GPM6B: variants seen among roughly 807,000 people sequenced by gnomAD.
GPM6B encodes the protein neuronal membrane glycoprotein M6-b.
In GPM6B, 4 loss-of-function variants were observed where a neutral mutation model predicts 27.2. That is an observed-to-expected ratio of 0.15 (90% confidence interval 0.07 to 0.34). GPM6B has a LOEUF of 0.34. Among genes scored for constraint, GPM6B ranks in the 10% least tolerant of loss-of-function variants. The probability of loss-of-function intolerance (pLI) is 1.00; values close to 1 mark genes in which losing one functional copy is unlikely to be tolerated. For missense variants in GPM6B, 183 were observed against 261.9 expected, an observed-to-expected ratio of 0.70 and a Z score of 2.08; for synonymous variants, 124 against 103.1, an observed-to-expected ratio of 1.20 and a Z score of -1.23.
At chrX:13,908,712 C>T (rs1184139851) in intron 1 of GPM6B, among the ~76,000 whole-genome samples, 1 of 112,536 alleles carries the variant, frequency 8.9e-6, no homozygotes, top group Non-Finnish European at 1.9e-5. Flanking sequence ...TTAACAGAAA[C>T]TTTGTACTAT....
At chrX:13,847,198 C>T (rs1158978088) in intron 1 of GPM6B, among the ~76,000 whole-genome samples, 1 of 111,836 alleles carries the variant, frequency 8.9e-6, no homozygotes, top group Admixed American at 9.5e-5. Flanking sequence ...TACACACCAA[C>T]TGCTGCCCAA....
intron 1 of GPM6B, among the ~76,000 whole-genome samples, chrX:13,899,032 CA>C (rs1448071993): frequency 9.0e-6 from 1 of 111,709 alleles, no homozygotes; most frequent in African/African-American, 3.3e-5. Flanking sequence ...TCTTGAGGGG[CA>C]AAAACAACTT....
At chrX:13,802,552 T>TTATA (rs10645553) in intron 2 of GPM6B, among the ~76,000 whole-genome samples, 1,594 of 105,989 alleles carry the variant, frequency 0.015, 42 homozygotes, top group African/African-American at 0.049. Flanking sequence ...ATAAATTATT[T>TTATA]TATATATATA....
intron 1 of GPM6B, chrX:13,812,911 A>G (rs907922073): frequency 1.2e-5 from 1 of 84,844 alleles, no homozygotes. Flanking sequence ...TAAATGTTCT[A>G]AAAAAAAAAA....
intron 1 of GPM6B, among the ~76,000 whole-genome samples, chrX:13,868,883 A>G (rs1334778814): frequency 3.6e-5 from 4 of 111,893 alleles, no homozygotes; most frequent in Non-Finnish European, 7.5e-5. Flanking sequence ...CCTTAACACT[A>G]AAGACATTCC....
intron 1 of GPM6B, among the ~76,000 whole-genome samples, chrX:13,925,928 G>A (rs1013820316): frequency 6.6e-4 from 71 of 107,513 alleles, no homozygotes; most frequent in African/African-American, 2.2e-3. Context: ...GGTGGCGGGC[G>A]CCTGTAGTCC....
chrX:13,863,411 C>T (rs1041319862), intron 1 of GPM6B, among the ~76,000 whole-genome samples: 5 of 111,547 alleles, frequency 4.5e-5, no homozygotes, highest in South Asian at 3.8e-4. Flanking sequence ...CAATGCCACA[C>T]GCACAGTGGT....
intron 2 of GPM6B, among the ~76,000 whole-genome samples, chrX:13,798,109 T>C (rs2048850143): frequency 9.0e-6 from 1 of 110,762 alleles, no homozygotes; most frequent in Non-Finnish European, 1.9e-5. Flanking sequence ...AGATGCACCA[T>C]ATGCATATCA....
At position 13,787,513 on chromosome X, in the gene GPM6B, G is replaced by A. The variant is rs753723908; in HGVS notation, c.182-1705C>T. 4.5e-5 allele frequency among the ~76,000 whole-genome samples: 5 copies of A among 111,546 alleles called. No homozygotes were observed. In the East Asian group the frequency reaches 8.4e-4, roughly 19 times the overall value. On this transcript the variant is annotated intron_variant, in intron 2 of 7. Transcript: ENST00000316715. ...AGAGGTTGCGGTGAGCCGAGATTGC[G>A]CCACTGAACTTCCAGCCTGGGCGAC...
chrX:13,811,620 C>T (rs979715429), intron 1 of GPM6B, among the ~76,000 whole-genome samples: 1 of 112,061 alleles, frequency 8.9e-6, no homozygotes, highest in Admixed American at 9.4e-5. Flanking sequence ...TGCTTTCATG[C>T]TATAGTGGCA....
chrX:13,859,689 CA>C (rs1468565903), intron 1 of GPM6B, among the ~76,000 whole-genome samples: 4 of 111,017 alleles, frequency 3.6e-5, no homozygotes, highest in Non-Finnish European at 5.7e-5. Context: ...TGAAGTTGCA[CA>C]AGTTTATACA....
chrX:13,880,288 A>G (rs1003289313), intron 1 of GPM6B, among the ~76,000 whole-genome samples: 3 of 111,547 alleles, frequency 2.7e-5, no homozygotes, highest in South Asian at 7.5e-4. Context: ...GGGGACAGAG[A>G]GCTATGTCCA....
intron 7 of GPM6B, chrX:13,774,212 C>T: frequency 1.3e-6 from 1 of 767,494 alleles, no homozygotes; most frequent in South Asian, 6.5e-5. Flanking sequence ...TCAAAAATAA[C>T]AGAAAATGTA....
chrX:13,772,505 G>GC lies in GPM6B; in HGVS notation c.*375dup, dbSNP rs755708074. ...TGAATTTACGGTCTTATCCCTTGAT[G>GC]CTGGGCATGTCACAGGTCCTTATTA... On this transcript the variant is annotated 3_prime_UTR_variant, in exon 8 of 8. Transcript: ENST00000316715. 37 of 135,551 alleles carry GC rather than the reference G, an allele frequency of 2.7e-4. No individual in the cohort carries two copies. The South Asian group carries it at 0.011, about 40-fold the overall frequency. The allele number at this position is 135,551 out of a possible 1,213,427, so 11.2% of individuals were successfully genotyped here. A position where few individuals can be genotyped will look rare whatever the true frequency, so the allele number is the denominator to read the frequency against.
intron 1 of GPM6B, among the ~76,000 whole-genome samples, chrX:13,931,434 G>A (rs1921547223): frequency 1.8e-5 from 2 of 109,502 alleles, no homozygotes; most frequent in South Asian, 8.0e-4. Context: ...CTTGCAGTGA[G>A]CCGAGATCGC....
intron 1 of GPM6B, among the ~76,000 whole-genome samples, chrX:13,859,585 A>C (rs61359806): frequency 0.017 from 1,868 of 110,457 alleles, 39 homozygotes; most frequent in East Asian, 0.14. Context: ...TTTATATACC[A>C]GACATGATTA....
chrX:13,824,801 G>A (rs2049352574), intron 1 of GPM6B, among the ~76,000 whole-genome samples: 1 of 112,027 alleles, frequency 8.9e-6, no homozygotes, highest in Non-Finnish European at 1.9e-5. Context: ...GTTTTCTGGG[G>A]CTGCCAGAAC....
intron 1 of GPM6B, among the ~76,000 whole-genome samples, chrX:13,815,591 A>G (rs978941924): frequency 3.6e-5 from 4 of 111,862 alleles, no homozygotes; most frequent in African/African-American, 1.3e-4. Flanking sequence ...ACTGAATCGT[A>G]TACTTAAAAT....
rs963190412 is a variant in GPM6B, at chrX:13,933,844, A to G, written c.-198+4483T>C. Reference sequence around the variant, plus strand: ...ATCTGAAGCTGAAAATCAGAAGCCAATGAATTTTGGCTGTGATTTAATGTA... The same window carrying G: ...ATCTGAAGCTGAAAATCAGAAGCCAGTGAATTTTGGCTGTGATTTAATGTA... On this transcript the variant is annotated intron_variant, in intron 1 of 6. Transcript: ENST00000398361. Among the ~76,000 whole-genome samples the G allele has an allele frequency of 8.0e-5, 9 of 112,137 alleles. No homozygotes were observed. In the East Asian group the frequency reaches 8.4e-4, roughly 10 times the overall value.
Sources: allele counts gnomAD v4.1 joint callset (sites outside exome capture counted in the v4.1 genomes callset), GRCh38; gene constraint gnomAD v4.1.1; transcripts MANE v1.5; gene names NCBI Gene and HGNC (gene_info 2026-07-23, HGNC 2026-07-21).